SCFD2: variants seen among roughly 807,000 people sequenced by gnomAD.
The protein encoded by SCFD2 is sec1 family domain containing 2, also known as sec1 family domain-containing protein 2.
Under a neutral mutation model 58.9 loss-of-function variants are expected in SCFD2, and 54 were observed. The observed-to-expected ratio is 0.92, with a 90% CI of 0.74 to 1.15. The LOEUF (loss-of-function observed/expected upper bound fraction) is 1.15, where lower values mean the gene tolerates loss of function less well. Among genes scored for constraint, SCFD2 ranks in the 50% most tolerant of loss-of-function variants. The probability of loss-of-function intolerance (pLI) is 0.00; values close to 1 mark genes in which losing one functional copy is unlikely to be tolerated. For synonymous variants in SCFD2, 321 were observed against 335.9 expected, an observed-to-expected ratio of 0.96 and a Z score of 0.49; for missense variants, 805 against 836.6, an observed-to-expected ratio of 0.96 and a Z score of 0.47.
At chr4:53,224,800 G>T (rs1393102643) in intron 4 of SCFD2, among the ~76,000 whole-genome samples, 1 of 151,344 alleles carries the variant, frequency 6.6e-6, no homozygotes, top group Non-Finnish European at 1.5e-5. Flanking sequence ...GATAATAATT[G>T]TGATGTATTT....
chr4:53,364,687 G>T (rs1734642613), intron 1 of SCFD2, among the ~76,000 whole-genome samples: 1 of 151,782 alleles, frequency 6.6e-6, no homozygotes, highest in African/African-American at 2.4e-5. Flanking sequence ...TTGTGCAGTA[G>T]TTTTCCTTCC....
chr4:53,062,739 TAAATGTAA>T (rs1435987853), intron 5 of SCFD2, among the ~76,000 whole-genome samples: 1 of 152,174 alleles, frequency 6.6e-6, no homozygotes, highest in Non-Finnish European at 1.5e-5. Flanking sequence ...CATCGTGATA[TAAATGTAA>T]CACCAGGATA....
chr4:53,030,397 A>T (rs1722586678), intron 5 of SCFD2, among the ~76,000 whole-genome samples: 1 of 152,142 alleles, frequency 6.6e-6, no homozygotes, highest in Non-Finnish European at 1.5e-5. Context: ...AGAATGCAAA[A>T]TGGTACAGAC....
chr4:53,247,910 G>C (rs1025110531), intron 4 of SCFD2, among the ~76,000 whole-genome samples: 6 of 151,122 alleles, frequency 4.0e-5, no homozygotes, highest in African/African-American at 1.2e-4. Flanking sequence ...GATCATGTTT[G>C]GGGGAGGAGC....
At chr4:52,910,047 C>A (rs1719445163) in intron 6 of SCFD2, among the ~76,000 whole-genome samples, 1 of 152,206 alleles carries the variant, frequency 6.6e-6, no homozygotes, top group African/African-American at 2.4e-5. Flanking sequence ...TCGGCACTAT[C>A]ATCAAATAAT....
At chr4:53,014,131 C>T (rs761379741) in intron 5 of SCFD2, among the ~76,000 whole-genome samples, 1 of 152,124 alleles carries the variant, frequency 6.6e-6, no homozygotes. Context: ...GACCTGTTTA[C>T]ATTATGGTAT....
chr4:53,070,483 GTAGA>G (rs1214732597), intron 5 of SCFD2, among the ~76,000 whole-genome samples: 1 of 151,998 alleles, frequency 6.6e-6, no homozygotes, highest in African/African-American at 2.4e-5. Context: ...AAGGAAAAGG[GTAGA>G]TAAATTTTAA....
intron 4 of SCFD2, among the ~76,000 whole-genome samples, chr4:53,219,491 A>G (rs1314796097): frequency 6.6e-6 from 1 of 152,184 alleles, no homozygotes; most frequent in Non-Finnish European, 1.5e-5. Flanking sequence ...GGAAAAGCAC[A>G]GTATTACGGT....
intron 4 of SCFD2, among the ~76,000 whole-genome samples, chr4:53,190,060 T>C (rs1727847814): frequency 6.6e-6 from 1 of 152,242 alleles, no homozygotes; most frequent in Non-Finnish European, 1.5e-5. Flanking sequence ...TCTAACTCTA[T>C]ATTGGAAACC....
intron 6 of SCFD2, among the ~76,000 whole-genome samples, chr4:52,913,435 C>T (rs1198266213): frequency 6.6e-6 from 1 of 152,148 alleles, no homozygotes. Flanking sequence ...AGGTTGCATG[C>T]TCCTTATGAA....
chr4:53,030,199 T>TATCTTCTTA (rs1385585963), intron 5 of SCFD2, among the ~76,000 whole-genome samples: 1 of 152,110 alleles, frequency 6.6e-6, no homozygotes, highest in Admixed American at 6.6e-5. Flanking sequence ...GATATATGAA[T>TATCTTCTTA]GGCAAATAAG....
intron 4 of SCFD2, among the ~76,000 whole-genome samples, chr4:53,262,099 T>C (rs1730846048): frequency 6.6e-6 from 1 of 152,214 alleles, no homozygotes; most frequent in Non-Finnish European, 1.5e-5. Context: ...TCCATTTGCA[T>C]GGAATATCTT....
At chr4:53,177,421 G>A (rs1164677553) in intron 4 of SCFD2, among the ~76,000 whole-genome samples, 2 of 111,808 alleles carry the variant, frequency 1.8e-5, no homozygotes, top group Non-Finnish European at 3.7e-5. Context: ...AAGGGAGAGG[G>A]TATTAAGGTT....
At chr4:53,144,452 G>GAT (rs1726262095) in intron 5 of SCFD2, among the ~76,000 whole-genome samples, 1 of 147,618 alleles carries the variant, frequency 6.8e-6, no homozygotes, top group Non-Finnish European at 1.5e-5. Flanking sequence ...TACACATACA[G>GAT]ATATATATAC....
chr4:52,982,845 T>G (rs145874604), intron 5 of SCFD2, among the ~76,000 whole-genome samples: 317 of 152,308 alleles, frequency 2.1e-3, no homozygotes, highest in African/African-American at 7.3e-3. Context: ...AAAACCTTTA[T>G]CTATACTTCA....
chr4:53,040,637 A>G (rs1363159551), intron 5 of SCFD2, among the ~76,000 whole-genome samples: 1 of 152,136 alleles, frequency 6.6e-6, no homozygotes, highest in Non-Finnish European at 1.5e-5. Flanking sequence ...TTATGCAACT[A>G]TAAATATCTC....
intron 3 of SCFD2, among the ~76,000 whole-genome samples, chr4:53,275,666 T>C (rs1467490735): frequency 6.6e-6 from 1 of 152,210 alleles, no homozygotes. Flanking sequence ...TGGTAGTCCA[T>C]TCACTTTCCC....
chr4:53,023,971 G>A (rs1722409315), intron 5 of SCFD2, among the ~76,000 whole-genome samples: 1 of 152,158 alleles, frequency 6.6e-6, no homozygotes. Context: ...CCCTACTGAT[G>A]ACAAGCCAGA....
chr4:53,131,867 T>C (rs1403822312), intron 5 of SCFD2, among the ~76,000 whole-genome samples: 1 of 152,250 alleles, frequency 6.6e-6, no homozygotes, highest in Non-Finnish European at 1.5e-5. Context: ...GTATTGTATC[T>C]AATGTAGAGT....
Sources: allele counts gnomAD v4.1 joint callset (sites outside exome capture counted in the v4.1 genomes callset), GRCh38; gene constraint gnomAD v4.1.1; transcripts MANE v1.5; gene names NCBI Gene and HGNC (gene_info 2026-07-23, HGNC 2026-07-21).